Variants in SGCD observed in about 807,000 individuals in gnomAD.
SGCD encodes the protein delta-sarcoglycan.
SGCD carries 18 observed loss-of-function variants against 36.6 expected under a neutral mutation model. The ratio of observed to expected loss-of-function variants is 0.49; its 90% CI spans 0.34 to 0.73. The LOEUF (loss-of-function observed/expected upper bound fraction) is 0.73. Ranked by LOEUF, SGCD falls within the 30% of genes least tolerant of loss-of-function variation. The pLI is 0.01. For missense variants in SGCD, 387 were observed against 346.7 expected, an observed-to-expected ratio of 1.12 and a Z score of -0.92; for synonymous variants, 133 against 130.6, an observed-to-expected ratio of 1.02 and a Z score of -0.12.
intron 3 of SGCD, among the ~76,000 whole-genome samples, chr5:156,284,540 T>C (rs1344357526): frequency 1.3e-5 from 2 of 152,136 alleles, no homozygotes; most frequent in Non-Finnish European, 2.9e-5. Flanking sequence ...ATAAATATAA[T>C]CCAGCATATA....
intron 3 of SGCD, among the ~76,000 whole-genome samples, chr5:156,401,460 G>A (rs1580933017): frequency 6.6e-6 from 1 of 152,180 alleles, no homozygotes; most frequent in African/African-American, 2.4e-5. Flanking sequence ...GCCATGAAGG[G>A]CCCTAATTAG....
chr5:156,349,547 C>A (rs561422783), intron 3 of SGCD, among the ~76,000 whole-genome samples: 8 of 151,956 alleles, frequency 5.3e-5, no homozygotes, highest in Admixed American at 5.2e-4. Flanking sequence ...CAATGAGATA[C>A]CACCTTACCC....
At chr5:156,177,071 G>A (rs1020142691) in intron 3 of SGCD, among the ~76,000 whole-genome samples, 1 of 152,032 alleles carries the variant, frequency 6.6e-6, no homozygotes, top group Non-Finnish European at 1.5e-5. Flanking sequence ...ACGTGATCTC[G>A]GCTCACTGCA....
rs1758787726 is a variant in SGCD at position 156,008,016 on chromosome 5, T to C, written c.-281-109862T>C. 2.0e-5 allele frequency among the ~76,000 whole-genome samples: 3 copies of C among 152,214 alleles called. No homozygotes were observed. The South Asian group carries it at 6.2e-4, about 32-fold the overall frequency. On this transcript the variant is annotated intron_variant, in intron 1 of 9. Transcript: ENST00000517913. The stretch of plus-strand genomic sequence containing the variant: ...TATCTCCAACGATGTTATTCCAAGA[T>C]TCTTTTTTTTCTCCATAGTGATGAT...
In SGCD at chr5:156,763,689, C is replaced by G. The variant is rs116301699; in HGVS notation, c.*4299C>G. ...ATCCCTTTGGTCAAGATCCCTTTTG[C>G]TCATCCAGGGTTTCATACTCAATAT... On this transcript the variant is annotated 3_prime_UTR_variant, in exon 9 of 9. Coordinates refer to ENST00000337851, the MANE Select transcript of SGCD (RefSeq NM_000337.6). 1 of 151,890 alleles carries G rather than the reference C, an allele frequency of 6.6e-6. No homozygotes were observed. The highest frequency in any genetic ancestry group is 1.5e-5 in the Non-Finnish European group (1 of 67,980). The allele number at this position is 151,890 out of a possible 1,614,324, so 9.4% of individuals were successfully genotyped here.
rs1769460491 is a variant in SGCD, at chr5:156,355,721, C to T, written c.192+11044C>T. Among the ~76,000 whole-genome samples the T allele has an allele frequency of 2.0e-5, 3 of 152,322 alleles. No homozygotes were observed. The South Asian group carries it at 6.2e-4, about 32-fold the overall frequency. ...GTGTGATCCCAGCTCACTCCAAAGT[C>T]CGCCTCCCAGGTTCAAGCGATTGTT... On this transcript the variant is annotated intron_variant, in intron 3 of 8. Coordinates refer to ENST00000337851, the MANE Select transcript of SGCD (RefSeq NM_000337.6).
At chr5:155,753,147 C>A in the SGCD span, among the ~76,000 whole-genome samples, 3 of 151,778 alleles carry the variant, frequency 2.0e-5, no homozygotes, top group African/African-American at 4.8e-5. Flanking sequence ...ACCATCCTGT[C>A]CAACATGATG....
intron 6 of SGCD, among the ~76,000 whole-genome samples, chr5:156,609,430 G>A (rs926839386): frequency 6.6e-6 from 1 of 152,180 alleles, no homozygotes; most frequent in Non-Finnish European, 1.5e-5. Flanking sequence ...AGTCTGATGG[G>A]CTTCCCTTTG....
At chr5:156,599,578 C>A (rs1378810379) in intron 6 of SGCD, among the ~76,000 whole-genome samples, 1 of 152,134 alleles carries the variant, frequency 6.6e-6, no homozygotes, top group Admixed American at 6.5e-5. Flanking sequence ...GATAACCACA[C>A]CCACCTATTC....
intron 1 of SGCD, among the ~76,000 whole-genome samples, chr5:155,887,231 T>C (rs939897229): frequency 2.0e-5 from 3 of 152,134 alleles, no homozygotes; most frequent in Non-Finnish European, 4.4e-5. Flanking sequence ...CTCTCTGGAG[T>C]ACTTTTTGAG....
chr5:155,793,283 C>G, the SGCD span, among the ~76,000 whole-genome samples: 96 of 152,154 alleles, frequency 6.3e-4, 1 homozygote, highest in South Asian at 4.6e-3. Context: ...GAAAAACTAC[C>G]TGTTGGATAC....
rs1581473203 is a variant in SGCD at position 156,725,490 on chromosome 5, T to A, written c.576-32091T>A. On this transcript the variant is annotated intron_variant, in intron 7 of 8. Coordinates refer to ENST00000337851, the MANE Select transcript of SGCD (RefSeq NM_000337.6). ...ATGAGGAGGAAACAGGAATGTGAGATGGAGTCCAGAGCCAGCTGGGTCTGA... is the reference window on the plus strand; with the variant it reads ...ATGAGGAGGAAACAGGAATGTGAGAAGGAGTCCAGAGCCAGCTGGGTCTGA... Among the ~76,000 whole-genome samples, 4 of 152,308 alleles carry A rather than the reference T, an allele frequency of 2.6e-5. No individual in the cohort carries two copies. In the South Asian group the frequency reaches 8.3e-4, roughly 32 times the overall value.
intron 1 of SGCD, among the ~76,000 whole-genome samples, chr5:155,985,075 A>C (rs893980632): frequency 1.3e-5 from 2 of 152,214 alleles, no homozygotes; most frequent in Non-Finnish European, 2.9e-5. Flanking sequence ...GGTTAATTGG[A>C]TAAGTCCCCC....
chr5:155,770,424 G>T, the SGCD span, among the ~76,000 whole-genome samples: 1 of 152,110 alleles, frequency 6.6e-6, no homozygotes, highest in Non-Finnish European at 1.5e-5. Flanking sequence ...AGAAGCAGAT[G>T]TTCAAAGACC....
chr5:156,194,238 G>T (rs1335489591), intron 3 of SGCD, among the ~76,000 whole-genome samples: 1 of 152,100 alleles, frequency 6.6e-6, no homozygotes, highest in Non-Finnish European at 1.5e-5. Flanking sequence ...AATTAGCTGG[G>T]CATGGTGGTA....
At chr5:156,343,634 A>G (rs1768785919) in intron 2 of SGCD, among the ~76,000 whole-genome samples, 1 of 152,208 alleles carries the variant, frequency 6.6e-6, no homozygotes, top group African/African-American at 2.4e-5. Context: ...ATTTGTGTCA[A>G]CAGCAGGGAC....
chr5:156,346,712 G>A (rs1183211586), intron 3 of SGCD, among the ~76,000 whole-genome samples: 2 of 152,108 alleles, frequency 1.3e-5, no homozygotes, highest in Non-Finnish European at 2.9e-5. Flanking sequence ...TAGTTCTAGA[G>A]TATTAGAGCA....
intron 3 of SGCD, among the ~76,000 whole-genome samples, chr5:156,360,300 T>G (rs1471099114): frequency 6.7e-6 from 1 of 150,064 alleles, no homozygotes; most frequent in African/African-American, 2.5e-5. Flanking sequence ...CAGGCTGGAG[T>G]GCAATGGCAC....
chr5:156,649,861 T>C (rs1763395183), intron 7 of SGCD, among the ~76,000 whole-genome samples: 2 of 151,960 alleles, frequency 1.3e-5, no homozygotes, highest in Non-Finnish European at 2.9e-5. Context: ...TGAAGTATAA[T>C]AATAATTTTT....
Sources: gnomAD v4.1 joint callset for allele counts (sites outside exome capture counted in the v4.1 genomes callset) on GRCh38, gnomAD v4.1.1 for gene constraint, MANE v1.5 for transcripts, NCBI Gene and HGNC (gene_info 2026-07-23, HGNC 2026-07-21) for gene names.